Variants in SLC25A12 observed in about 807,000 individuals in gnomAD.
SLC25A12 encodes the protein electrogenic aspartate/glutamate antiporter SLC25A12, mitochondrial.
In SLC25A12, 32 loss-of-function variants were observed where a neutral mutation model predicts 83.3. The observed-to-expected ratio is 0.38, with a 90% CI of 0.29 to 0.52. The LOEUF (loss-of-function observed/expected upper bound fraction) is 0.52. Ranked by LOEUF, SLC25A12 falls within the 20% of genes least tolerant of loss-of-function variation. The pLI, the probability that SLC25A12 is intolerant of heterozygous loss-of-function variation, is 0.84. For missense variants in SLC25A12, 611 were observed against 835.6 expected (o/e 0.73, Z 3.31); for synonymous variants, 267 against 291.1 (o/e 0.92, Z 0.84).
chr2:171,878,093 T>G (rs1208885364), intron 2 of SLC25A12, among the ~76,000 whole-genome samples: 1 of 152,174 alleles, frequency 6.6e-6, no homozygotes, highest in Non-Finnish European at 1.5e-5. Flanking sequence ...GCATTCATTT[T>G]GAAACTGTGT....
intron 16 of SLC25A12, 58 bp from the exon 17 acceptor site, chr2:171,787,719 T>G: frequency 1.9e-6 from 3 of 1,608,718 alleles, no homozygotes; most frequent in Non-Finnish European, 2.6e-6. Context: ...GTGGTAAAGA[T>G]AGCCACTGAG....
chr2:171,786,690 ATTC>A (rs1455636637), intron 17 of SLC25A12, among the ~76,000 whole-genome samples: 25 of 152,294 alleles, frequency 1.6e-4, no homozygotes, highest in Admixed American at 1.0e-3. Context: ...TCAACTTGTA[ATTC>A]TTCTTCTCAG....
At chr2:171,839,739 A>T in intron 5 of SLC25A12, among the ~76,000 whole-genome samples, 1 of 152,228 alleles carries the variant, frequency 6.6e-6, no homozygotes, top group East Asian at 1.9e-4. Flanking sequence ...CAAAAAAACT[A>T]AGCAGAAAAA....
chr2:171,850,708 G>A (rs188173891), intron 4 of SLC25A12, among the ~76,000 whole-genome samples: 138 of 152,104 alleles, frequency 9.1e-4, no homozygotes, highest in Middle Eastern at 3.4e-3. Context: ...TGATCCTCCC[G>A]CCTCGGCCTC....
Position 171,871,843 on chromosome 2 carries a change from T to C in SLC25A12, c.67-3020A>G, listed in dbSNP as rs998146268. The C allele has an allele frequency of 6.7e-5, 43 of 644,584 alleles. No individual in the cohort carries two copies. The African/African-American group carries it at 8.2e-4, about 12-fold the overall frequency. 39.9% of individuals were successfully genotyped at this position (644,584 alleles called of 1,614,324 possible). On this transcript the variant is annotated intron_variant, in intron 2 of 17. Transcript: ENST00000422440. ...GAGAGGTGGGAGAATCACTTGAACC[T>C]GGGAGGCGGAGGTTGCAATGAGCCA...
At chr2:171,791,696 T>TTGTCACTGAGG in intron 14 of SLC25A12, 107 bp from the exon 15 acceptor site, 2 of 1,044,566 alleles carry the variant, frequency 1.9e-6, no homozygotes, top group Non-Finnish European at 3.0e-6. Flanking sequence ...TGTCCCTCAG[T>TTGTCACTGAGG]GACAAGCCTG....
intron 2 of SLC25A12, among the ~76,000 whole-genome samples, chr2:171,892,158 G>C (rs1685952582): frequency 6.6e-6 from 1 of 151,866 alleles, no homozygotes; most frequent in Non-Finnish European, 1.5e-5. Flanking sequence ...GTCCAGAATA[G>C]AAAGTTCTCA....
At chr2:171,828,545 A>G (rs1287330492) in intron 8 of SLC25A12, among the ~76,000 whole-genome samples, 1 of 152,156 alleles carries the variant, frequency 6.6e-6, no homozygotes, top group Non-Finnish European at 1.5e-5. Flanking sequence ...GATTATTTTT[A>G]TAGAATGGCC....
chr2:171,797,165 CAG>C (rs1683615814), intron 13 of SLC25A12, among the ~76,000 whole-genome samples: 1 of 152,126 alleles, frequency 6.6e-6, no homozygotes. Context: ...TTCATAAATA[CAG>C]TAACTTTTCA....
chr2:171,808,854 A>G (rs1428727629), intron 13 of SLC25A12, among the ~76,000 whole-genome samples: 1 of 87,980 alleles, frequency 1.1e-5, no homozygotes. Flanking sequence ...CCCAACCCCC[A>G]ACCCCCAACC....
intron 11 of SLC25A12, among the ~76,000 whole-genome samples, chr2:171,812,301 G>A (rs1683961764): frequency 6.6e-6 from 1 of 152,068 alleles, no homozygotes; most frequent in African/African-American, 2.4e-5. Context: ...AACCAGCGGT[G>A]TTTTTTTCCT....
intron 17 of SLC25A12, 86 bp from the exon 18 acceptor site, chr2:171,785,561 T>C: frequency 8.5e-7 from 1 of 1,177,756 alleles, no homozygotes; most frequent in Admixed American, 1.7e-5. Context: ...CTGACCCATG[T>C]GCCACAAAGA....
chr2:171,875,297 A>G (rs1036716559), intron 2 of SLC25A12, among the ~76,000 whole-genome samples: 1 of 152,134 alleles, frequency 6.6e-6, no homozygotes, highest in African/African-American at 2.4e-5. Flanking sequence ...TGGCTCCCAC[A>G]CTGTGGAGTG....
intron 2 of SLC25A12, among the ~76,000 whole-genome samples, chr2:171,890,087 G>A (rs1365792093): frequency 6.6e-6 from 1 of 152,194 alleles, no homozygotes; most frequent in African/African-American, 2.4e-5. Flanking sequence ...GCATGGGCCT[G>A]AGAGAGCAGC....
chr2:171,854,714 T>C (rs970154708), intron 4 of SLC25A12, among the ~76,000 whole-genome samples: 19 of 152,226 alleles, frequency 1.2e-4, no homozygotes, highest in African/African-American at 3.6e-4. Context: ...GCCAAGGCAC[T>C]ACTGATCCTT....
chr2:171,889,656 C>A (rs1312844579), intron 2 of SLC25A12, among the ~76,000 whole-genome samples: 2 of 152,084 alleles, frequency 1.3e-5, no homozygotes, highest in African/African-American at 4.8e-5. Flanking sequence ...ATTTCATCAC[C>A]TAAGTAACCA....
At chr2:171,846,916 A>G (rs923118567) in intron 4 of SLC25A12, among the ~76,000 whole-genome samples, 2 of 152,234 alleles carry the variant, frequency 1.3e-5, no homozygotes, top group African/African-American at 2.4e-5. Flanking sequence ...ATCCTATTTC[A>G]TAAACTTCTT....
chr2:171,878,580 G>A (rs1685619352), intron 2 of SLC25A12, among the ~76,000 whole-genome samples: 1 of 152,106 alleles, frequency 6.6e-6, no homozygotes, highest in South Asian at 2.1e-4. Context: ...GGTCCTGACT[G>A]GTCTAGGCAG....
chr2:171,847,997 G>A (rs1684835544), intron 4 of SLC25A12, among the ~76,000 whole-genome samples: 1 of 152,102 alleles, frequency 6.6e-6, no homozygotes, highest in Non-Finnish European at 1.5e-5. Flanking sequence ...TATGATGATT[G>A]GACTAGATGA....
Sources: allele counts gnomAD v4.1 joint callset (sites outside exome capture counted in the v4.1 genomes callset), GRCh38; gene constraint gnomAD v4.1.1; transcripts MANE v1.5; gene names NCBI Gene and HGNC (gene_info 2026-07-23, HGNC 2026-07-21).